UBL3: variants seen among roughly 807,000 people sequenced by gnomAD.
UBL3 encodes the protein ubiquitin like 3.
Under a neutral mutation model 18.4 loss-of-function variants are expected in UBL3, and 6 were observed. That is an observed-to-expected ratio of 0.33 (90% CI 0.18 to 0.64). UBL3 has a LOEUF of 0.64. Ranked by LOEUF, UBL3 falls within the 30% of genes least tolerant of loss-of-function variation. The probability of loss-of-function intolerance (pLI) is 0.76; values close to 1 mark genes in which losing one functional copy is unlikely to be tolerated. For synonymous variants in UBL3, 49 were observed against 46.6 expected (o/e 1.05, Z -0.21); for missense variants, 109 against 142.9 (o/e 0.76, Z 1.21).
At chr13:29,775,772 T>C (rs1306127506) in intron 2 of UBL3, among the ~76,000 whole-genome samples, 4 of 152,156 alleles carry the variant, frequency 2.6e-5, no homozygotes, top group South Asian at 2.1e-4. Flanking sequence ...TGCACCACCA[T>C]GCCCAGCTAA....
At chr13:29,789,972 T>A (rs1263043102) in intron 1 of UBL3, among the ~76,000 whole-genome samples, 2 of 152,286 alleles carry the variant, frequency 1.3e-5, no homozygotes, top group Admixed American at 1.3e-4. Flanking sequence ...TCACATAAGA[T>A]GGACACTGTA....
rs1247105028 is a variant in UBL3, at chr13:29,765,457, A to G, written c.*1798T>C. On this transcript the variant is annotated 3_prime_UTR_variant, in exon 5 of 5. Coordinates refer to ENST00000380680, the MANE Select transcript of UBL3 (RefSeq NM_007106.4). Reference sequence around the variant, plus strand: ...ACTGTCCACAAATTAACCAGGTTAAATATCAAAGATACATTGGGAATACTC... The same window carrying G: ...ACTGTCCACAAATTAACCAGGTTAAGTATCAAAGATACATTGGGAATACTC... 1.3e-5 allele frequency: 2 copies of G among 152,202 alleles called. No individual in the cohort carries two copies. Among genetic ancestry groups the G allele is most frequent in the Non-Finnish European group, 1.5e-5 (1 of 68,008 alleles). The allele number at this position is 152,202 out of a possible 1,614,324, so 9.4% of individuals were successfully genotyped here.
chr13:29,845,031 T>G (rs1879197635), intron 1 of UBL3, among the ~76,000 whole-genome samples: 1 of 151,678 alleles, frequency 6.6e-6, no homozygotes, highest in Non-Finnish European at 1.5e-5. Flanking sequence ...ATATCAGAGG[T>G]GAAATAAAAG....
intron 1 of UBL3, among the ~76,000 whole-genome samples, chr13:29,827,050 C>G (rs568539449): frequency 1.5e-3 from 232 of 152,216 alleles, no homozygotes; most frequent in African/African-American, 5.3e-3. Flanking sequence ...GTCTGAGAGA[C>G]AGTTTGTTAT....
intron 1 of UBL3, among the ~76,000 whole-genome samples, chr13:29,793,390 T>A (rs1046066007): frequency 6.6e-6 from 1 of 152,150 alleles, no homozygotes; most frequent in African/African-American, 2.4e-5. Context: ...AAATATCACA[T>A]ATTTTTTGCA....
intron 1 of UBL3, among the ~76,000 whole-genome samples, chr13:29,810,170 A>G (rs1878010251): frequency 6.6e-6 from 1 of 152,128 alleles, no homozygotes; most frequent in Non-Finnish European, 1.5e-5. Context: ...AACTGGGAGA[A>G]TGATGATGGT....
intron 1 of UBL3, among the ~76,000 whole-genome samples, chr13:29,835,099 TATATATAAATATATATATATATATAA>T (rs1878892875): frequency 7.3e-4 from 11 of 15,114 alleles, no homozygotes; most frequent in Admixed American, 2.0e-3. Flanking sequence ...AATATATATA[TATATATAAATATATATATATATATAA>T]ATATATATAT....
At chr13:29,828,083 C>T (rs1042447295) in intron 1 of UBL3, among the ~76,000 whole-genome samples, 1 of 152,110 alleles carries the variant, frequency 6.6e-6, no homozygotes, top group African/African-American at 2.4e-5. Context: ...TTGTGGGTAA[C>T]CCGACCTTTC....
intron 2 of UBL3, among the ~76,000 whole-genome samples, chr13:29,774,378 A>G (rs1479501184): frequency 6.6e-6 from 1 of 152,078 alleles, no homozygotes; most frequent in Non-Finnish European, 1.5e-5. Context: ...ATATATCAAA[A>G]GCTATTACTT....
At chr13:29,819,313 G>GA (rs2139347756) in intron 1 of UBL3, among the ~76,000 whole-genome samples, 1 of 152,292 alleles carries the variant, frequency 6.6e-6, no homozygotes, top group East Asian at 1.9e-4. Context: ...AGCGTAAAAC[G>GA]AAAGGCAAAG....
chr13:29,795,467 C>A (rs1381632072), intron 1 of UBL3, among the ~76,000 whole-genome samples: 1 of 151,582 alleles, frequency 6.6e-6, no homozygotes, highest in Non-Finnish European at 1.5e-5. Flanking sequence ...TAGTAAGTAA[C>A]ATTATTAATA....
chr13:29,818,795 C>T (rs930866594), intron 1 of UBL3, among the ~76,000 whole-genome samples: 1 of 152,110 alleles, frequency 6.6e-6, no homozygotes, highest in African/African-American at 2.4e-5. Context: ...AAGACCTTTC[C>T]CATGCGTTCT....
chr13:29,830,372 A>C (rs1878742123), intron 1 of UBL3, among the ~76,000 whole-genome samples: 1 of 152,236 alleles, frequency 6.6e-6, no homozygotes. Flanking sequence ...TTAGGGAAAA[A>C]GTTTTCCCAG....
chr13:29,788,501 G>T, intron 1 of UBL3, among the ~76,000 whole-genome samples: 1 of 152,108 alleles, frequency 6.6e-6, no homozygotes, highest in East Asian at 1.9e-4. Context: ...GTCAGGACTT[G>T]TTCCAGCATA....
intron 2 of UBL3, among the ~76,000 whole-genome samples, chr13:29,775,532 CAT>C (rs1876959507): frequency 6.6e-6 from 1 of 152,088 alleles, no homozygotes; most frequent in African/African-American, 2.4e-5. Flanking sequence ...TGAAAAAAAT[CAT>C]ATCACTATGA....
chr13:29,805,534 A>G (rs1368464753), intron 1 of UBL3, among the ~76,000 whole-genome samples: 1 of 152,190 alleles, frequency 6.6e-6, no homozygotes, highest in African/African-American at 2.4e-5. Flanking sequence ...TTTGAGAAAC[A>G]TGACTATATA....
chr13:29,768,479 C>T (rs1026971110), intron 3 of UBL3, among the ~76,000 whole-genome samples: 1 of 152,004 alleles, frequency 6.6e-6, no homozygotes, highest in African/African-American at 2.4e-5. Context: ...ACACCTCAAA[C>T]TACCCTCTCT....
chr13:29,801,376 C>G (rs1434629737), intron 1 of UBL3, among the ~76,000 whole-genome samples: 1 of 152,176 alleles, frequency 6.6e-6, no homozygotes, highest in Non-Finnish European at 1.5e-5. Context: ...CGGTTCTGCC[C>G]CTGCTGCTCT....
intron 1 of UBL3, among the ~76,000 whole-genome samples, chr13:29,837,758 C>T (rs1372329795): frequency 6.6e-6 from 1 of 151,810 alleles, no homozygotes; most frequent in Non-Finnish European, 1.5e-5. Context: ...GGCAAAACCA[C>T]GTCTCTATGA....
Sources: gnomAD v4.1 joint callset for allele counts (sites outside exome capture counted in the v4.1 genomes callset) on GRCh38, gnomAD v4.1.1 for gene constraint, MANE v1.5 for transcripts, NCBI Gene and HGNC (gene_info 2026-07-23, HGNC 2026-07-21) for gene names.